PDSS2: variants seen among roughly 807,000 people sequenced by gnomAD.
PDSS2 encodes all trans-polyprenyl-diphosphate synthase PDSS2.
Under a neutral mutation model 44.5 loss-of-function variants are expected in PDSS2, and 31 were observed. The ratio of observed to expected loss-of-function variants is 0.70; its 90% CI spans 0.52 to 0.94. The LOEUF (loss-of-function observed/expected upper bound fraction) is 0.94. Among genes scored for constraint, PDSS2 ranks in the 40% least tolerant of loss-of-function variants. PDSS2 has a pLI of 0.00. For synonymous variants in PDSS2, 157 were observed against 180.3 expected, an observed-to-expected ratio of 0.87 and a Z score of 1.03; for missense variants, 452 against 482.2, an observed-to-expected ratio of 0.94 and a Z score of 0.59.
At chr6:107,208,599 T>C (rs907466185) in intron 6 of PDSS2, among the ~76,000 whole-genome samples, 19 of 148,774 alleles carry the variant, frequency 1.3e-4, no homozygotes, top group Admixed American at 9.5e-4. Flanking sequence ...CCACCACACC[T>C]GGCCTGTGAC....
At position 107,394,960 on chromosome 6, in the gene PDSS2, G is replaced by A. The variant is rs1162989288; in HGVS notation, c.297-60628C>T. On this transcript the variant is annotated intron_variant, in intron 1 of 7. Transcript: ENST00000369037. ...GTTTCCCTTCTTTCTGAAGAACAAT[G>A]TTTAACATTTCTCATACTGGTGATC... Among the ~76,000 whole-genome samples, 6 of 152,198 alleles carry A rather than the reference G, an allele frequency of 3.9e-5. 1 individual carries two copies. The East Asian group carries it at 9.6e-4, about 24-fold the overall frequency.
At chr6:107,203,194 T>G (rs1466747439) in intron 6 of PDSS2, among the ~76,000 whole-genome samples, 8 of 152,292 alleles carry the variant, frequency 5.3e-5, no homozygotes, top group Admixed American at 1.3e-4. Context: ...GTCAAGAACC[T>G]AAGTTAAACC....
intron 2 of PDSS2, among the ~76,000 whole-genome samples, chr6:107,296,060 C>T (rs1776498838): frequency 6.6e-6 from 1 of 152,148 alleles, no homozygotes; most frequent in Non-Finnish European, 1.5e-5. Context: ...GGTCTCTTTT[C>T]TGACATGAGA....
At chr6:107,296,272 G>C (rs1157755545) in intron 2 of PDSS2, among the ~76,000 whole-genome samples, 1 of 151,954 alleles carries the variant, frequency 6.6e-6, no homozygotes, top group Non-Finnish European at 1.5e-5. Flanking sequence ...TAGTATGAAA[G>C]ATCATGTGTA....
chr6:107,266,566 C>T (rs1469065160), intron 3 of PDSS2, among the ~76,000 whole-genome samples: 1 of 152,028 alleles, frequency 6.6e-6, no homozygotes, highest in Non-Finnish European at 1.5e-5. Context: ...GAAAAAATTC[C>T]TCACCAGAGA....
At chr6:107,211,084 T>C (rs4946824) in intron 5 of PDSS2, among the ~76,000 whole-genome samples, 121,019 of 151,810 alleles carry the variant, frequency 0.8, 48,933 homozygotes, top group East Asian at 1. Context: ...TAGTGGGTGG[T>C]GGTCTTTATT....
At chr6:107,199,272 A>T (rs1358820863) in intron 6 of PDSS2, among the ~76,000 whole-genome samples, 1 of 152,156 alleles carries the variant, frequency 6.6e-6, no homozygotes, top group African/African-American at 2.4e-5. Flanking sequence ...ATATTCTAGG[A>T]GGTTACAAAG....
At chr6:107,262,581 G>A (rs959283484) in intron 3 of PDSS2, among the ~76,000 whole-genome samples, 5 of 152,034 alleles carry the variant, frequency 3.3e-5, no homozygotes, top group African/African-American at 1.2e-4. Flanking sequence ...GACCATCCTG[G>A]CTAACACGGT....
intron 7 of PDSS2, among the ~76,000 whole-genome samples, chr6:107,163,363 C>T (rs1413151304): frequency 6.6e-6 from 1 of 152,100 alleles, no homozygotes; most frequent in Non-Finnish European, 1.5e-5. Flanking sequence ...GCTTTGCATA[C>T]CAAGGAGGAA....
chr6:107,173,863 T>A (rs13362771), intron 7 of PDSS2, among the ~76,000 whole-genome samples: 10,551 of 152,042 alleles, frequency 0.069, 1,234 homozygotes, highest in African/African-American at 0.24. Flanking sequence ...TATATTTAGG[T>A]TTCAAAAATT....
At chr6:107,234,014 A>G (rs1774143741) in intron 4 of PDSS2, among the ~76,000 whole-genome samples, 1 of 152,082 alleles carries the variant, frequency 6.6e-6, no homozygotes, top group Non-Finnish European at 1.5e-5. Flanking sequence ...AAAACATAAA[A>G]ATAAAAATAA....
chr6:107,257,237 A>G (rs939718884), intron 3 of PDSS2, among the ~76,000 whole-genome samples: 3 of 151,388 alleles, frequency 2.0e-5, no homozygotes, highest in African/African-American at 7.3e-5. Context: ...GTACCCTTGG[A>G]TCAAATAATG....
At chr6:107,312,908 T>G (rs553610951) in intron 2 of PDSS2, among the ~76,000 whole-genome samples, 1 of 152,216 alleles carries the variant, frequency 6.6e-6, no homozygotes, top group Non-Finnish European at 1.5e-5. Flanking sequence ...ATTTTATACA[T>G]GAGTATCCTG....
chr6:107,228,656 T>C (rs1161804304), intron 4 of PDSS2, among the ~76,000 whole-genome samples: 8 of 151,864 alleles, frequency 5.3e-5, no homozygotes, highest in African/African-American at 1.9e-4. Flanking sequence ...GATCACACCA[T>C]TGCACTCCAG....
At chr6:107,445,558 A>T (rs1015931835) in intron 1 of PDSS2, among the ~76,000 whole-genome samples, 2 of 152,198 alleles carry the variant, frequency 1.3e-5, no homozygotes, top group African/African-American at 2.4e-5. Flanking sequence ...AAAGACTATA[A>T]ATAGCCTCAC....
In PDSS2 at chr6:107,334,348, G is replaced by A. The variant is rs760850961; in HGVS notation, c.297-16C>T. ...TACAAGCCCCCTGCCAACAAGCAAA[G>A]AAGGAAGAGGATTAATATACCCTCA... On this transcript the variant is annotated splice_polypyrimidine_tract_variant and intron_variant, in intron 1 of 7. Coordinates refer to ENST00000369037, the MANE Select transcript of PDSS2 (RefSeq NM_020381.4). 5.0e-6 allele frequency: 8 copies of A among 1,611,870 alleles called. No individual in the cohort carries two copies. The South Asian group carries it at 7.7e-5, about 15-fold the overall frequency.
intron 1 of PDSS2, among the ~76,000 whole-genome samples, chr6:107,431,409 C>T (rs1223865034): frequency 6.6e-6 from 1 of 152,074 alleles, no homozygotes; most frequent in African/African-American, 2.4e-5. Flanking sequence ...GCCACCATGC[C>T]CGGCTAATTT....
At chr6:107,278,975 T>G (rs1775876060) in intron 2 of PDSS2, among the ~76,000 whole-genome samples, 1 of 152,144 alleles carries the variant, frequency 6.6e-6, no homozygotes, top group South Asian at 2.1e-4. Flanking sequence ...ATCCCAGCAC[T>G]TTGGGAGGCT....
intron 2 of PDSS2, among the ~76,000 whole-genome samples, chr6:107,277,896 G>A (rs1253857545): frequency 6.6e-6 from 1 of 151,984 alleles, no homozygotes; most frequent in East Asian, 1.9e-4. Context: ...GAAGGCAGAG[G>A]TTGCAGTTAG....
Sources: allele counts gnomAD v4.1 joint callset (sites outside exome capture counted in the v4.1 genomes callset), GRCh38; gene constraint gnomAD v4.1.1; transcripts MANE v1.5; gene names NCBI Gene and HGNC (gene_info 2026-07-23, HGNC 2026-07-21).